TRIM49: variants seen among roughly 807,000 people sequenced by gnomAD.
TRIM49 encodes tripartite motif-containing protein 49.
A neutral mutation model predicts 27.4 loss-of-function variants in TRIM49; 5 were observed. The observed-to-expected ratio is 0.18, with a 90% CI of 0.10 to 0.38. The LOEUF is 0.38. TRIM49 is among the 10% of genes least tolerant of loss of function. The pLI is 1.00. For missense variants in TRIM49, 188 were observed against 487.5 expected (o/e 0.39, Z 5.79); for synonymous variants, 69 against 166.0 (o/e 0.42, Z 4.49).
chr11:89,777,742 T>C, the TRIM49 span, among the ~76,000 whole-genome samples: 4 of 148,262 alleles, frequency 2.7e-5, no homozygotes, highest in Non-Finnish European at 5.9e-5. Context: ...CTCTCTATTA[T>C]GTTTCTATCA....
At chr11:89,770,715 A>C in the TRIM49 span, among the ~76,000 whole-genome samples, 1 of 140,960 alleles carries the variant, frequency 7.1e-6, no homozygotes, top group Non-Finnish European at 1.5e-5. Flanking sequence ...AAAAAAAAAA[A>C]ATTAGCTGGG....
downstream of TRIM49, chr11:89,797,557 T>C (rs1263855357): frequency 6.6e-6 from 1 of 152,182 alleles, no homozygotes; most frequent in African/African-American, 2.5e-5. Context: ...TCTGATCACA[T>C]TGTGTATTTC....
intron 4 of TRIM49, 103 bp downstream of exon 4, chr11:89,803,595 T>C: frequency 2.0e-6 from 3 of 1,468,128 alleles, no homozygotes; most frequent in Admixed American, 2.3e-5. Context: ...TTTTTTTTAC[T>C]GTATCCCAGA....
chr11:89,782,067 C>A, the TRIM49 span: 1 of 1,544,940 alleles, frequency 6.5e-7, no homozygotes, highest in Non-Finnish European at 8.7e-7. Context: ...GTGGATGTGA[C>A]CCTCTCCTCC....
rs1949794551 is a variant in TRIM49, at chr11:89,807,202, G to A, written c.-108C>T. The A allele has an allele frequency of 6.5e-6, 1 of 153,440 alleles. No individual in the cohort carries two copies. 9.5% of individuals were successfully genotyped at this position (153,440 alleles called of 1,614,324 possible). On this transcript the variant is annotated 5_prime_UTR_variant, in exon 2 of 8. Transcript: ENST00000329758. The stretch of plus-strand genomic sequence containing the variant: ...ATTCACTGCAGTACTGAATTTCAGA[G>A]GTCGCCAAAATGCAGTTCTAAGTGC...
the TRIM49 span, chr11:89,789,795 T>C: frequency 2.6e-5 from 4 of 152,064 alleles, no homozygotes; most frequent in Admixed American, 2.6e-4. Context: ...GGTGGCCGAA[T>C]AGGAACAGCT....
the TRIM49 span, chr11:89,782,106 C>T: frequency 7.1e-6 from 11 of 1,550,810 alleles, no homozygotes; most frequent in Non-Finnish European, 9.6e-6. Flanking sequence ...TGTCGAGATT[C>T]CAGAACAGCA....
the TRIM49 span, chr11:89,789,573 A>T: frequency 1.3e-5 from 2 of 150,468 alleles, no homozygotes; most frequent in African/African-American, 4.9e-5. Flanking sequence ...GGATTTTGAG[A>T]GGCCTCGGTC....
chr11:89,783,507 G>T, the TRIM49 span, among the ~76,000 whole-genome samples: 1 of 119,250 alleles, frequency 8.4e-6, no homozygotes, highest in Non-Finnish European at 1.7e-5. Context: ...TTATAGGGTT[G>T]ATTTCAATTG....
the TRIM49 span, among the ~76,000 whole-genome samples, chr11:89,791,709 C>G: frequency 6.6e-6 from 1 of 152,100 alleles, no homozygotes; most frequent in Non-Finnish European, 1.5e-5. Context: ...ATTTTGTCAC[C>G]ACCAGGCCTG....
At chr11:89,796,489 G>A (rs1270969311), downstream of TRIM49, among the ~76,000 whole-genome samples, 2 of 136,498 alleles carry the variant, frequency 1.5e-5, 1 homozygote, top group East Asian at 4.4e-4. Flanking sequence ...TCACACCTTG[G>A]TCTCCCCAAG....
the TRIM49 span, chr11:89,787,825 G>C: frequency 1.8e-5 from 9 of 495,500 alleles, no homozygotes; most frequent in Middle Eastern, 5.5e-4. Context: ...CGCTGCCCTG[G>C]AAGAAGAGGA....
At chr11:89,793,419 A>G (rs780632051), downstream of TRIM49, among the ~76,000 whole-genome samples, 193 of 152,282 alleles carry the variant, frequency 1.3e-3, no homozygotes, top group Non-Finnish European at 2.1e-3. Flanking sequence ...AGCTAGGCAG[A>G]GACACAACAA....
At chr11:89,773,704 C>T in the TRIM49 span, among the ~76,000 whole-genome samples, 4 of 135,178 alleles carry the variant, frequency 3.0e-5, no homozygotes, top group South Asian at 2.3e-4. Flanking sequence ...TTTGGGAGGC[C>T]GAGGTGGGCA....
In TRIM49 at chr11:89,798,344, C is replaced by T. The variant is rs186783696; in HGVS notation, c.1145G>A (p.Cys382Tyr). Residue 382 changes from cysteine (C) to tyrosine (Y), a missense_variant, in exon 8 of 8, where the codon TGT becomes TAT. This residue lies in a region of TRIM49 where 94 missense variants were observed against 149.6 expected (regional missense o/e 0.63). Coordinates refer to ENST00000329758, the MANE Select transcript of TRIM49 (RefSeq NM_020358.2). Reference sequence around the variant, plus strand: ...ACTGCATTGAATGTCATTCTTAACACACCCAAGAAGAAAGAGTCCCGCCTT... The same window carrying T: ...ACTGCATTGAATGTCATTCTTAACATACCCAAGAAGAAAGAGTCCCGCCTT... ...DGKAGLFLLG[C>Y]VKNDIQCSLF... The T allele has an allele frequency of 9.5e-6, 15 of 1,573,898 alleles. No homozygotes were observed. In the African/African-American group the frequency reaches 1.2e-4, roughly 12 times the overall value.
At chr11:89,772,135 C>A in the TRIM49 span, among the ~76,000 whole-genome samples, 1 of 135,972 alleles carries the variant, frequency 7.4e-6, no homozygotes, top group South Asian at 2.3e-4. Context: ...TATAATGATC[C>A]ACTTCCACTA....
At chr11:89,777,643 G>A in the TRIM49 span, among the ~76,000 whole-genome samples, 1 of 150,328 alleles carries the variant, frequency 6.7e-6, no homozygotes, top group South Asian at 2.1e-4. Context: ...GGAGCTGGTG[G>A]CCAGCACCAA....
At chr11:89,797,184 GTGTC>G (rs1202140391), downstream of TRIM49, among the ~76,000 whole-genome samples, 13 of 151,152 alleles carry the variant, frequency 8.6e-5, no homozygotes, top group African/African-American at 3.2e-4. Flanking sequence ...ATTCTGTAAA[GTGTC>G]TGTTCAGATA....
chr11:89,793,687 C>T (rs28828369), downstream of TRIM49, among the ~76,000 whole-genome samples: 2 of 151,914 alleles, frequency 1.3e-5, no homozygotes, highest in African/African-American at 2.4e-5. Flanking sequence ...TCAACAGCCC[C>T]TCATGCTAAA....
Sources: gnomAD v4.1 joint callset for allele counts (sites outside exome capture counted in the v4.1 genomes callset) on GRCh38, gnomAD v4.1.1 for gene constraint, gnomAD v4.1.1 regional missense constraint, MANE v1.5 for transcripts, NCBI Gene and HGNC (gene_info 2026-07-23, HGNC 2026-07-21) for gene names.